TGFBR3: variants seen among roughly 807,000 people sequenced by gnomAD.
The protein encoded by TGFBR3 is transforming growth factor beta receptor type 3.
A neutral mutation model predicts 87.9 loss-of-function variants in TGFBR3; 46 were observed. The observed-to-expected ratio is 0.52, with a 90% CI of 0.41 to 0.67. The LOEUF is 0.67. Among genes scored for constraint, TGFBR3 ranks in the 30% least tolerant of loss-of-function variants. The pLI is 0.00. For synonymous variants in TGFBR3, 381 were observed against 391.6 expected (o/e 0.97, Z 0.32); for missense variants, 866 against 1,041.9 (o/e 0.83, Z 2.32).
At chr1:91,782,532 G>A (rs1674812148) in intron 3 of TGFBR3, among the ~76,000 whole-genome samples, 1 of 152,178 alleles carries the variant, frequency 6.6e-6, no homozygotes, top group Non-Finnish European at 1.5e-5. Context: ...ACTGACCTGA[G>A]GTTGAGAGGA....
intron 3 of TGFBR3, among the ~76,000 whole-genome samples, chr1:91,781,585 T>C (rs1227866100): frequency 6.6e-6 from 1 of 151,838 alleles, no homozygotes; most frequent in Non-Finnish European, 1.5e-5. Flanking sequence ...TCATAAAAAA[T>C]AGGAAACATA....
chr1:91,836,459 A>G lies in TGFBR3; in HGVS notation c.61+25012T>C, dbSNP rs189162116. Among the ~76,000 whole-genome samples the G allele has an allele frequency of 1.3e-3, 191 of 152,102 alleles. 1 individual carries two copies. The highest frequency in any genetic ancestry group is 4.5e-3 in the African/African-American group (186 of 41,492). On this transcript the variant is annotated intron_variant, in intron 2 of 16. Coordinates refer to ENST00000212355, the MANE Select transcript of TGFBR3 (RefSeq NM_003243.5). ...GTAAAATGTAGCAAACCGAGGTTACACAGCTACTCAGTGGCAGCCGTGGGA... is the reference window on the plus strand; with the variant it reads ...GTAAAATGTAGCAAACCGAGGTTACGCAGCTACTCAGTGGCAGCCGTGGGA...
chr1:91,797,368 T>A lies in TGFBR3; in HGVS notation c.165A>T (p.Arg55Ser), dbSNP rs1376460680. 6.2e-7 allele frequency: 1 copy of A among 1,614,228 alleles called. No homozygotes were observed. Among genetic ancestry groups the A allele is most frequent in the Admixed American group, 1.7e-5 (1 of 60,034 alleles). Residue 55 changes from arginine to serine, a missense_variant, in exon 3 of 17, where the codon AGA (arginine) becomes AGT (serine). Coordinates refer to ENST00000212355, the MANE Select transcript of TGFBR3 (RefSeq NM_003243.5). ...CCTCCTGTGGCAGCCCAGTTGTGCCTCTGCTGGCACAGCCTGACAAAACAG... is the reference window on the plus strand; with the variant it reads ...CCTCCTGTGGCAGCCCAGTTGTGCCACTGCTGGCACAGCCTGACAAAACAG... ...SFTVLSGCAS[R>S]GTTGLPQEVH...
chr1:91,740,870 A>G (rs1447456436), intron 4 of TGFBR3, among the ~76,000 whole-genome samples: 1 of 152,216 alleles, frequency 6.6e-6, no homozygotes, highest in African/African-American at 2.4e-5. Context: ...AGCAAAACAC[A>G]TAAGAAATGT....
rs560018562 is a variant in TGFBR3 at position 91,732,680 on chromosome 1, G to T, written c.568+2096C>A. On this transcript the variant is annotated intron_variant, in intron 5 of 16. Coordinates refer to ENST00000212355, the MANE Select transcript of TGFBR3 (RefSeq NM_003243.5). ...CCTACTGCTCCTCTCTCCACGGCAT[G>T]GCCCGGTGACTCATACTCAACTGGT... 4.4e-4 allele frequency among the ~76,000 whole-genome samples: 67 copies of T among 152,272 alleles called. 1 individual carries two copies. Among genetic ancestry groups the T allele is most frequent in the African/African-American group, 1.4e-3 (60 of 41,544 alleles).
In TGFBR3 at chr1:91,804,045, C is replaced by T. The variant is rs188696948; in HGVS notation, c.62-6574G>A. ...TGGCACAAAACAGACACTCAATTAT[C>T]GCTGAGAAATGGGGAAGAACCATGG... On this transcript the variant is annotated intron_variant, in intron 2 of 16. Coordinates refer to ENST00000212355, the MANE Select transcript of TGFBR3 (RefSeq NM_003243.5). Among the ~76,000 whole-genome samples the T allele has an allele frequency of 4.2e-4, 64 of 152,304 alleles. 1 individual carries two copies. Among genetic ancestry groups the T allele is most frequent in the African/African-American group, 1.4e-3 (60 of 41,570 alleles).
At chr1:91,698,513 C>CTTTTTTTTTTTTTTTTTTTTTTTTTTT (rs35919369) in intron 14 of TGFBR3, among the ~76,000 whole-genome samples, 1 of 120,736 alleles carries the variant, frequency 8.3e-6, no homozygotes. Flanking sequence ...TCAAAATATT[C>CTTTTTTTTTTTTTTTTTTTTTTTTTTT]TTTTTTTTTT....
Position 91,712,089 on chromosome 1 carries a change from T to C in TGFBR3, c.2166+154A>G, listed in dbSNP as rs144764737. Among the ~76,000 whole-genome samples, 32 of 152,286 alleles carry C rather than the reference T, an allele frequency of 2.1e-4. 1 individual carries two copies. The East Asian group carries it at 6.2e-3, about 29-fold the overall frequency. On this transcript the variant is annotated intron_variant, in intron 13 of 16. Transcript: ENST00000212355. Reference sequence around the variant, plus strand: ...TCAGGATTTATTATCTAAGACTCCATAAAACTCACAGTTCCCTGCTAATAG... The same window carrying C: ...TCAGGATTTATTATCTAAGACTCCACAAAACTCACAGTTCCCTGCTAATAG...
At position 91,900,390 on chromosome 1, in the gene TGFBR3, A is replaced by G. The variant is rs529068174; in HGVS notation, c.-174-693T>C. Among the ~76,000 whole-genome samples, 147 of 152,364 alleles carry G rather than the reference A, an allele frequency of 9.6e-4. 1 individual carries two copies. Among genetic ancestry groups the G allele is most frequent in the Non-Finnish European group, 1.0e-3 (70 of 68,044 alleles). On this transcript the variant is annotated intron_variant, in intron 1 of 17. Transcript: ENST00000370399. ...CAGCCTCCCAAAGTGCTGGGATTAC[A>G]GGTGTGAATCACCACGCCCAGCCAA...
At position 91,695,714 on chromosome 1, in the gene TGFBR3, C is replaced by G; in HGVS notation, c.2395G>C (p.Ala799Pro). Reference protein sequence around the residue: ...GIAFAAFVIGALLTGALWYIY... With the variant: ...GIAFAAFVIGPLLTGALWYIY... ...TACCACAAGGCCCCCGTCAGGAGTG[C>G]TCCGATCACAAAGGCTGCAAACGCA... The change falls in exon 16 of 17, where the codon GCA (alanine) becomes CCA (proline). Residue 799 changes from alanine to proline, a missense_variant. Physicochemically the swap from Ala to Pro is conservative, Grantham distance 27. Transcript: ENST00000212355. 2 of 1,614,218 alleles carry G rather than the reference C, an allele frequency of 1.2e-6. No individual in the cohort carries two copies. The highest frequency in any genetic ancestry group is 1.7e-6 in the Non-Finnish European group (2 of 1,180,024).
At chr1:91,861,786 A>G in intron 1 of TGFBR3, 142 bp from the exon 2 acceptor site, 1 of 490,582 alleles carries the variant, frequency 2.0e-6, no homozygotes, top group Non-Finnish European at 3.7e-6. Context: ...AGCAAACTAG[A>G]CTGAGGGCAG....
intron 3 of TGFBR3, among the ~76,000 whole-genome samples, chr1:91,778,913 G>A (rs951426239): frequency 6.6e-6 from 1 of 152,176 alleles, no homozygotes; most frequent in Non-Finnish European, 1.5e-5. Flanking sequence ...GTCAATGAAG[G>A]CCTCTCAGTG....
intron 14 of TGFBR3, among the ~76,000 whole-genome samples, chr1:91,699,438 T>TC (rs1671548123): frequency 6.9e-6 from 1 of 144,260 alleles, no homozygotes; most frequent in East Asian, 2.0e-4. Context: ...TTGCTTTTTT[T>TC]TTTTTTTTTT....
intron 2 of TGFBR3, among the ~76,000 whole-genome samples, chr1:91,896,263 G>A (rs1489166685): frequency 1.3e-5 from 2 of 152,158 alleles, no homozygotes; most frequent in Non-Finnish European, 2.9e-5. Context: ...GCATCTGACA[G>A]GTATTCAATA....
At chr1:91,794,159 T>C (rs1053796142) in intron 3 of TGFBR3, among the ~76,000 whole-genome samples, 1 of 151,980 alleles carries the variant, frequency 6.6e-6, no homozygotes, top group Non-Finnish European at 1.5e-5. Flanking sequence ...ATTCACAGAA[T>C]TGTGCAACCA....
At chr1:91,695,125 T>TC (rs1671386854) in intron 16 of TGFBR3, among the ~76,000 whole-genome samples, 2 of 149,374 alleles carry the variant, frequency 1.3e-5, no homozygotes, top group African/African-American at 2.5e-5. Context: ...TTTTTTTTTT[T>TC]CAGTTCATGG....
chr1:91,713,545 C>A (rs1217559538), intron 12 of TGFBR3, among the ~76,000 whole-genome samples: 1 of 152,160 alleles, frequency 6.6e-6, no homozygotes. Context: ...GACCAACAGC[C>A]GCAGAATCAT....
intron 2 of TGFBR3, among the ~76,000 whole-genome samples, chr1:91,894,155 G>A (rs111522328): frequency 3.3e-5 from 5 of 152,176 alleles, no homozygotes; most frequent in African/African-American, 1.2e-4. Context: ...CACCACATCT[G>A]CCGATTTTAT....
At chr1:91,694,824 C>G (rs573585125) in intron 16 of TGFBR3, among the ~76,000 whole-genome samples, 2 of 152,268 alleles carry the variant, frequency 1.3e-5, no homozygotes, top group South Asian at 4.1e-4. Flanking sequence ...CAAACAAGAA[C>G]AAGACCGATT....
Sources: allele counts gnomAD v4.1 joint callset (sites outside exome capture counted in the v4.1 genomes callset), GRCh38; gene constraint gnomAD v4.1.1; transcripts MANE v1.5; gene names NCBI Gene and HGNC (gene_info 2026-07-23, HGNC 2026-07-21).